The following GRIP1 variants were observed in gnomAD, a reference collection of about 807,000 sequenced individuals.
GRIP1 encodes the protein glutamate receptor interacting protein 1, also known as glutamate receptor-interacting protein 1.
GRIP1 carries 45 observed loss-of-function variants against 129.9 expected under a neutral mutation model. The observed-to-expected ratio is 0.35, with a 90% CI of 0.27 to 0.44. GRIP1 has a LOEUF of 0.44. Ranked by LOEUF, GRIP1 falls within the 20% of genes least tolerant of loss-of-function variation. GRIP1 has a pLI of 1.00. For synonymous variants in GRIP1, 530 were observed against 520.8 expected (o/e 1.02, Z -0.24); for missense variants, 1,196 against 1,396.8 (o/e 0.86, Z 2.29).
At chr12:66,773,534 T>C (rs947176184) in intron 1 of GRIP1, among the ~76,000 whole-genome samples, 13 of 152,032 alleles carry the variant, frequency 8.6e-5, no homozygotes, top group Non-Finnish European at 1.5e-5. Context: ...AGGGAGGGGA[T>C]CATCACACAC....
At chr12:66,966,362 TAC>T (rs1361846836) in intron 1 of GRIP1, among the ~76,000 whole-genome samples, 1 of 152,158 alleles carries the variant, frequency 6.6e-6, no homozygotes, top group African/African-American at 2.4e-5. Context: ...TTACAAATAT[TAC>T]AGTTTCACCT....
chr12:66,715,585 C>A (rs994240693), intron 1 of GRIP1, among the ~76,000 whole-genome samples: 1 of 150,848 alleles, frequency 6.6e-6, no homozygotes, highest in Non-Finnish European at 1.5e-5. Context: ...GCCCCTGTAC[C>A]AAAAGGAGAG....
Position 66,703,512 on chromosome 12 carries a change from C to T in GRIP1, c.-419-73176G>A, listed in dbSNP as rs1302956324. Among the ~76,000 whole-genome samples, 3 of 151,916 alleles carry T rather than the reference C, an allele frequency of 2.0e-5. No individual in the cohort carries two copies. The East Asian group carries it at 5.8e-4, about 29-fold the overall frequency. ...CATTCCTGCTGTAGGTGATGAGGAA[C>T]TGAAAAGGAGCAGGGCTCATGATGG... On this transcript the variant is annotated intron_variant, in intron 1 of 4. Coordinates refer to the GRIP1 transcript ENST00000538373.
chr12:66,398,639 T>C (rs2056879221), intron 16 of GRIP1, among the ~76,000 whole-genome samples: 2 of 152,124 alleles, frequency 1.3e-5, no homozygotes, highest in Admixed American at 6.5e-5. Context: ...TTCTAAACTT[T>C]TATTTTCATT....
At chr12:67,008,437 T>C (rs544441351) in intron 1 of GRIP1, among the ~76,000 whole-genome samples, 6 of 152,264 alleles carry the variant, frequency 3.9e-5, no homozygotes, top group African/African-American at 1.4e-4. Context: ...GGCCACTCAA[T>C]ACATCATTAT....
chr12:66,777,385 G>A lies in GRIP1; in HGVS notation c.-420+26668C>T, dbSNP rs558163459. The stretch of plus-strand genomic sequence containing the variant: ...TAACTAACCCCCTTGAATCCTTCAA[G>A]ATATTGAGCAAACCTCACCTTCTTA... On this transcript the variant is annotated intron_variant, in intron 1 of 4. Coordinates refer to the GRIP1 transcript ENST00000538373. Among the ~76,000 whole-genome samples the A allele has an allele frequency of 2.0e-5, 3 of 152,204 alleles. No homozygotes were observed. The South Asian group carries it at 6.2e-4, about 32-fold the overall frequency.
chr12:67,065,635 T>TA (rs1170724866), intron 1 of GRIP1, among the ~76,000 whole-genome samples: 2 of 152,212 alleles, frequency 1.3e-5, no homozygotes, highest in African/African-American at 4.8e-5. Flanking sequence ...CAGAAACAGA[T>TA]AATCTTTCCA....
intron 1 of GRIP1, among the ~76,000 whole-genome samples, chr12:66,911,026 A>G (rs2041020380): frequency 6.6e-6 from 1 of 152,228 alleles, no homozygotes; most frequent in East Asian, 1.9e-4. Flanking sequence ...CTACGTGCCA[A>G]GCATTGTGCT....
intron 13 of GRIP1, among the ~76,000 whole-genome samples, chr12:66,439,576 A>C (rs552937511): frequency 5.3e-5 from 8 of 152,198 alleles, no homozygotes; most frequent in Non-Finnish European, 7.3e-5. Flanking sequence ...GCCTGGGTTA[A>C]AATTCCAGCC....
intron 1 of GRIP1, among the ~76,000 whole-genome samples, chr12:66,967,358 C>G (rs1244034103): frequency 1.3e-5 from 2 of 152,078 alleles, no homozygotes; most frequent in East Asian, 3.9e-4. Context: ...TAACTCTAGT[C>G]ACCATACTAT....
At chr12:66,643,514 A>T (rs184026655) in intron 1 of GRIP1, among the ~76,000 whole-genome samples, 1 of 152,168 alleles carries the variant, frequency 6.6e-6, no homozygotes, top group African/African-American at 2.4e-5. Context: ...TTTGCCTAGA[A>T]AAAAGGGAAA....
intron 16 of GRIP1, among the ~76,000 whole-genome samples, chr12:66,396,329 C>T (rs908898573): frequency 1.3e-5 from 2 of 152,058 alleles, no homozygotes; most frequent in South Asian, 2.1e-4. Flanking sequence ...GACCCAAGAA[C>T]CAGTGGGAAG....
In GRIP1 at chr12:66,539,100, T is replaced by C. The variant is rs1418196231; in HGVS notation, c.396A>G (p.Val132=). The part of the protein sequence containing the change: ...KNVGERVVLE[V]EYELPPVSVQ... ...TACAGACCGGTGGAAGCTCGTACTC[T>C]ACTTCAAGAACCACTCTTTCTCCCA... The change falls in exon 4 of 25, where the codon GTA becomes GTG. Residue 132 remains valine (V), a synonymous_variant. Transcript: ENST00000359742. 6.2e-7 allele frequency: 1 copy of C among 1,614,098 alleles called. No individual in the cohort carries two copies. Among genetic ancestry groups the C allele is most frequent in the Non-Finnish European group, 8.5e-7 (1 of 1,179,976 alleles).
intron 1 of GRIP1, among the ~76,000 whole-genome samples, chr12:66,722,970 T>G (rs750433793): frequency 3.3e-5 from 5 of 151,912 alleles, no homozygotes; most frequent in Non-Finnish European, 7.4e-5. Context: ...ATTGAAGCCC[T>G]TTCATCAAAT....
At chr12:66,819,480 T>G (rs1344614400) in intron 1 of GRIP1, among the ~76,000 whole-genome samples, 2 of 152,244 alleles carry the variant, frequency 1.3e-5, no homozygotes, top group Admixed American at 6.5e-5. Context: ...TTGCCTAACG[T>G]TAATAAATAT....
intron 1 of GRIP1, among the ~76,000 whole-genome samples, chr12:66,927,669 T>C (rs2041317979): frequency 6.6e-6 from 1 of 152,190 alleles, no homozygotes; most frequent in Non-Finnish European, 1.5e-5. Flanking sequence ...TCTATAGACT[T>C]AACATGTAAG....
intron 1 of GRIP1, among the ~76,000 whole-genome samples, chr12:66,651,925 G>C (rs775577189): frequency 1.2e-4 from 18 of 152,032 alleles, no homozygotes; most frequent in Non-Finnish European, 1.8e-4. Context: ...ACCATATTTT[G>C]AGAGTTTTCT....
intron 7 of GRIP1, among the ~76,000 whole-genome samples, chr12:66,469,838 A>T (rs2059388316): frequency 6.6e-6 from 1 of 152,048 alleles, no homozygotes; most frequent in Admixed American, 6.6e-5. Context: ...CAATTTTTGG[A>T]TATCTCCTAG....
chr12:66,424,253 AGATATACATTCTTGGTAC>A (rs2057907644), intron 14 of GRIP1, among the ~76,000 whole-genome samples: 1 of 152,218 alleles, frequency 6.6e-6, no homozygotes. Flanking sequence ...TGCTGCCTAT[AGATATACATTCTTGGTAC>A]TCACAAGGAA....
Sources: gnomAD v4.1 joint callset for allele counts (sites outside exome capture counted in the v4.1 genomes callset) on GRCh38, gnomAD v4.1.1 for gene constraint, MANE v1.5 for transcripts, NCBI Gene and HGNC (gene_info 2026-07-23, HGNC 2026-07-21) for gene names.